Variants in SLC38A2 observed in about 807,000 individuals in gnomAD.
SLC38A2 encodes the protein solute carrier family 38 member 2.
SLC38A2 carries 11 observed loss-of-function variants against 61.5 expected under a neutral mutation model. That is an observed-to-expected ratio of 0.18 (90% CI 0.11 to 0.30). SLC38A2 has a LOEUF of 0.30. Ranked by LOEUF, SLC38A2 falls within the 10% of genes least tolerant of loss-of-function variation. The pLI, the probability that SLC38A2 is intolerant of heterozygous loss-of-function variation, is 1.00. For missense variants in SLC38A2, 522 were observed against 600.4 expected, an observed-to-expected ratio of 0.87 and a Z score of 1.36; for synonymous variants, 217 against 212.5, an observed-to-expected ratio of 1.02 and a Z score of -0.18.
intron 8 of SLC38A2, 24 bp from the exon 9 acceptor site, chr12:46,364,726 CAGTATT>C (rs1943121879): frequency 4.4e-6 from 7 of 1,588,330 alleles, no homozygotes; most frequent in Non-Finnish European, 6.0e-6. Flanking sequence ...TGGCAGGAAT[CAGTATT>C]AGTTTAATGA....
In SLC38A2 at chr12:46,371,190, G is replaced by A. The variant is rs146932871; in HGVS notation, c.104C>T (p.Ala35Val). 3.4e-3 allele frequency: 5,427 copies of A among 1,614,150 alleles called. 13 individuals are homozygous for A. Among genetic ancestry groups the A allele is most frequent in the Non-Finnish European group, 3.9e-3 (4,553 of 1,179,958 alleles). The change falls in exon 2 of 16, where the codon GCT becomes GTT. Residue 35 changes from alanine to valine, a missense_variant. Physicochemically the swap from Ala to Val is moderately conservative, Grantham distance 64. This residue lies in a region of SLC38A2 where 102 missense variants were observed against 83.1 expected (regional missense o/e 1.23). Transcript: ENST00000256689. Reference sequence around the variant, plus strand: ...CAACTTCTCCCACCTTTTCAGAGCAGCTTGCTTGGTGGGGTAGGAGTAGTT... The same window carrying A: ...CAACTTCTCCCACCTTTTCAGAGCAACTTGCTTGGTGGGGTAGGAGTAGTT... ...DFNYSYPTKQ[A>V]ALKSHYADVD...
chr12:46,371,843 C>G (rs1400756989), intron 1 of SLC38A2, among the ~76,000 whole-genome samples: 3 of 152,218 alleles, frequency 2.0e-5, no homozygotes, highest in Admixed American at 6.5e-5. Flanking sequence ...GGAGTCCCCA[C>G]ACGGAGAAAT....
intron 7 of SLC38A2, 90 bp downstream of exon 7, chr12:46,366,774 C>CTA: frequency 8.6e-7 from 1 of 1,160,340 alleles, no homozygotes; most frequent in Non-Finnish European, 1.2e-6. Context: ...GGATAATTAA[C>CTA]TAATCATTTT....
At chr12:46,363,408 T>C (rs1035907267) in intron 12 of SLC38A2, among the ~76,000 whole-genome samples, 5 of 152,052 alleles carry the variant, frequency 3.3e-5, no homozygotes, top group Admixed American at 1.3e-4. Context: ...TGGCTTGGCT[T>C]GCAATTTGTG....
In SLC38A2 at chr12:46,370,872, G is replaced by A. The variant is rs1056409940; in HGVS notation, c.117-15C>T. Reference sequence around the variant, plus strand: ...CTGCATAATGGCTGCAAAAAATATAGACATATATAATTGTAAACTGGATTG... The same window carrying A: ...CTGCATAATGGCTGCAAAAAATATAAACATATATAATTGTAAACTGGATTG... On this transcript the variant is annotated splice_polypyrimidine_tract_variant and intron_variant, in intron 2 of 15. Coordinates refer to ENST00000256689, the MANE Select transcript of SLC38A2 (RefSeq NM_018976.5). 2 of 1,580,852 alleles carry A rather than the reference G, an allele frequency of 1.3e-6. No individual in the cohort carries two copies. The highest frequency in any genetic ancestry group is 1.4e-5 in the African/African-American group (1 of 73,716).
intron 8 of SLC38A2, 34 bp downstream of exon 8, chr12:46,365,073 C>T: frequency 1.3e-6 from 2 of 1,550,894 alleles, no homozygotes; most frequent in Non-Finnish European, 8.9e-7. Flanking sequence ...GTGAGAGGCT[C>T]ATTTCAATTC....
Position 46,362,396 on chromosome 12 carries a change from T to C in SLC38A2, c.1325-15A>G. 6.2e-7 allele frequency: 1 copy of C among 1,604,320 alleles called. No homozygotes were observed. The highest frequency in any genetic ancestry group is 1.7e-5 in the Admixed American group (1 of 57,778). ...TGCAGATGCACCTGTAAAACAACATTTATGTTTCTTGAGGATTCAATGAAC... is the reference window on the plus strand; with the variant it reads ...TGCAGATGCACCTGTAAAACAACATCTATGTTTCTTGAGGATTCAATGAAC... On this transcript the variant is annotated splice_polypyrimidine_tract_variant and intron_variant, in intron 14 of 15. Transcript: ENST00000256689.
At chr12:46,369,580 G>A (rs546823729) in intron 4 of SLC38A2, among the ~76,000 whole-genome samples, 57 of 152,210 alleles carry the variant, frequency 3.7e-4, no homozygotes, top group African/African-American at 1.3e-3. Flanking sequence ...AAGGTATTAA[G>A]TTACACAATC....
chr12:46,362,888 A>C (rs1344660213), intron 13 of SLC38A2, 133 bp downstream of exon 13: 36 of 1,162,784 alleles, frequency 3.1e-5, no homozygotes, highest in Admixed American at 5.4e-5. Context: ...ATTTTTAAAA[A>C]GCCCCTTCAA....
intron 2 of SLC38A2, 61 bp downstream of exon 2, chr12:46,371,117 G>A (rs1270571743): frequency 1.2e-5 from 16 of 1,357,298 alleles, no homozygotes; most frequent in South Asian, 2.3e-5. Context: ...AGAGTCCTAG[G>A]TAACTCCCTG....
At position 46,360,319 on chromosome 12, in the gene SLC38A2, A is replaced by G. The variant is rs1943067185; in HGVS notation, c.*792T>C. The G allele has an allele frequency of 6.6e-6, 1 of 152,514 alleles. No homozygotes were observed. Among genetic ancestry groups the G allele is most frequent in the African/African-American group, 2.4e-5 (1 of 41,478 alleles). 9.4% of individuals were successfully genotyped at this position (152,514 alleles called of 1,614,324 possible). ...ACAAACATTTCAGTCTGAATGAACC[A>G]AATTGTTTGGGGACAGAGAAGAAAA... is the stretch of plus-strand genomic sequence containing the variant. On this transcript the variant is annotated 3_prime_UTR_variant, in exon 16 of 16. Transcript: ENST00000256689.
At chr12:46,365,277 T>G in intron 7 of SLC38A2, 88 bp from the exon 8 acceptor site, 1 of 1,008,160 alleles carries the variant, frequency 9.9e-7, no homozygotes, top group Non-Finnish European at 1.5e-6. Flanking sequence ...TTCATAGGAA[T>G]ACCATGAAAA....
intron 1 of SLC38A2, 54 bp downstream of exon 1, chr12:46,372,455 C>T (rs1943216161): frequency 2.7e-6 from 1 of 375,940 alleles, no homozygotes; most frequent in African/African-American, 2.1e-5. Flanking sequence ...GCCCCTCCCC[C>T]ACTCTCGCCC....
At position 46,364,415 on chromosome 12, in the gene SLC38A2, G is replaced by A. The variant is rs146292402; in HGVS notation, c.847C>T (p.Pro283Ser). Reference sequence around the variant, plus strand: ...TGTGAGTTGAAAATAAAATAGTGAGGTCTGCAAGAGTCATTTTCAGTCACG... The same window carrying A: ...TGTGAGTTGAAAATAAAATAGTGAGATCTGCAAGAGTCATTTTCAGTCACG... ...HNVTENDSCRPHYFIFNSQTV... is the reference protein window; with the variant it reads ...HNVTENDSCRSHYFIFNSQTV... Residue 283 changes from proline to serine, a missense_variant, in exon 10 of 16, where the codon CCT becomes TCT. This residue lies in a region of SLC38A2 where 309 missense variants were observed against 343.9 expected (regional missense o/e 0.90). Coordinates refer to ENST00000256689, the MANE Select transcript of SLC38A2 (RefSeq NM_018976.5). 48 of 1,595,834 alleles carry A rather than the reference G, an allele frequency of 3.0e-5. No individual in the cohort carries two copies. The highest frequency in any genetic ancestry group is 3.7e-5 in the Non-Finnish European group (44 of 1,174,838).
In SLC38A2 at chr12:46,371,245, T is replaced by C; in HGVS notation, c.49A>G (p.Ser17Gly). The change falls in exon 2 of 16, where the codon AGC becomes GGC. Residue 17 changes from serine to glycine, a missense_variant. Ser to Gly is a moderately conservative substitution (Grantham distance 56). This residue lies in a region of SLC38A2 where 102 missense variants were observed against 83.1 expected (regional missense o/e 1.23). Transcript: ENST00000256689. Reference protein sequence around the residue: ...GRFSISPDEDSSSYSSNSDFN... With the variant: ...GRFSISPDEDGSSYSSNSDFN... ...TCGCTGTTGGAACTGTAGCTGCTGC[T>C]GTCTTCATCCGGGGAAATACTGAAT... 1 of 1,614,274 alleles carries C rather than the reference T, an allele frequency of 6.2e-7. No individual in the cohort carries two copies. Among genetic ancestry groups the C allele is most frequent in the Non-Finnish European group, 8.5e-7 (1 of 1,180,048 alleles).
chr12:46,362,854 G>C, intron 13 of SLC38A2, 167 bp downstream of exon 13: 1 of 998,230 alleles, frequency 1.0e-6, no homozygotes, highest in Non-Finnish European at 1.4e-6. Context: ...AATGTCCCCA[G>C]GGTATTTTGA....
chr12:46,372,250 T>C (rs1195203832), intron 1 of SLC38A2: 1 of 159,302 alleles, frequency 6.3e-6, no homozygotes, highest in Non-Finnish European at 1.4e-5. Context: ...CTAGCTCCCC[T>C]CCCCCTAATG....
chr12:46,365,466 C>T (rs1943130052), intron 7 of SLC38A2, among the ~76,000 whole-genome samples: 1 of 152,092 alleles, frequency 6.6e-6, no homozygotes, highest in Admixed American at 6.6e-5. Context: ...ACACAAAATG[C>T]TTCTCAAAGA....
chr12:46,370,515 A>C lies in SLC38A2; in HGVS notation c.311T>G (p.Phe104Cys). 1.2e-6 allele frequency: 2 copies of C among 1,611,296 alleles called. No individual in the cohort carries two copies. Among genetic ancestry groups the C allele is most frequent in the Non-Finnish European group, 1.7e-6 (2 of 1,177,370 alleles). ...CTCACTACTTACACATACTTACATAAAAAGAGCAATTCCAGTATTAGCCAT... is the reference window on the plus strand; with the variant it reads ...CTCACTACTTACACATACTTACATACAAAGAGCAATTCCAGTATTAGCCAT... ...YAMANTGIAL[F>C]IILLTFVSIF... Residue 104 changes from phenylalanine to cysteine, a missense_variant, in exon 4 of 16, where the codon TTT becomes TGT. This residue lies in a region of SLC38A2 where 111 missense variants were observed against 173.4 expected (regional missense o/e 0.64). Transcript: ENST00000256689.
Sources: allele counts gnomAD v4.1 joint callset (sites outside exome capture counted in the v4.1 genomes callset), GRCh38; gene constraint gnomAD v4.1.1; regional missense constraint gnomAD v4.1.1; transcripts MANE v1.5; gene names NCBI Gene and HGNC (gene_info 2026-07-23, HGNC 2026-07-21).